The following ERC1 variants were observed in gnomAD, a reference collection of about 807,000 sequenced individuals.
The protein encoded by ERC1 is RAB6 interacting protein 2.
Under a neutral mutation model 132.0 loss-of-function variants are expected in ERC1, and 56 were observed. That is an observed-to-expected ratio of 0.42 (90% CI 0.34 to 0.53). The LOEUF (loss-of-function observed/expected upper bound fraction) is 0.53. ERC1 is among the 20% of genes least tolerant of loss of function. The probability of loss-of-function intolerance (pLI) is 0.03; values close to 1 mark genes in which losing one functional copy is unlikely to be tolerated. For missense variants in ERC1, 1,202 were observed against 1,349.9 expected (o/e 0.89, Z 1.72); for synonymous variants, 478 against 476.1 (o/e 1.00, Z -0.05).
At chr12:1,162,645 G>A (rs1012265924) in intron 8 of ERC1, among the ~76,000 whole-genome samples, 25 of 151,766 alleles carry the variant, frequency 1.6e-4, no homozygotes, top group African/African-American at 5.8e-4. Flanking sequence ...TCATAAAATC[G>A]GACAGGAGAG....
intron 16 of ERC1, among the ~76,000 whole-genome samples, chr12:1,383,434 CT>C (rs111814025): frequency 0.29 from 44,298 of 152,118 alleles, 6,685 homozygotes; most frequent in Middle Eastern, 0.34. Flanking sequence ...CCTGCTGCCT[CT>C]TTTGGTCTCT....
At chr12:1,119,449 T>C (rs1946819450) in intron 7 of ERC1, among the ~76,000 whole-genome samples, 1 of 151,940 alleles carries the variant, frequency 6.6e-6, no homozygotes, top group Admixed American at 6.6e-5. Flanking sequence ...GACATAGGCT[T>C]GAAAACCAGC....
chr12:1,091,690 A>C (rs116696105), intron 3 of ERC1, among the ~76,000 whole-genome samples: 11 of 152,230 alleles, frequency 7.2e-5, no homozygotes, highest in Non-Finnish European at 2.9e-5. Flanking sequence ...AATGGGAGAG[A>C]AAACCATTCC....
At chr12:1,172,553 C>G (rs1566141826) in intron 8 of ERC1, among the ~76,000 whole-genome samples, 1 of 152,086 alleles carries the variant, frequency 6.6e-6, no homozygotes, top group Non-Finnish European at 1.5e-5. Context: ...ATATATAAAC[C>G]TGTTGGGTAT....
At chr12:1,058,119 C>T (rs1273220209) in intron 2 of ERC1, among the ~76,000 whole-genome samples, 1 of 151,922 alleles carries the variant, frequency 6.6e-6, no homozygotes, top group East Asian at 1.9e-4. Flanking sequence ...CAGATGTTTT[C>T]TCTCATTCTG....
At chr12:1,295,741 T>A (rs890613815) in intron 15 of ERC1, among the ~76,000 whole-genome samples, 1 of 149,974 alleles carries the variant, frequency 6.7e-6, no homozygotes, top group Non-Finnish European at 1.5e-5. Flanking sequence ...TAGAGAAGCC[T>A]GGGAAATATC....
At chr12:1,005,635 A>G (rs578048278) in intron 1 of ERC1, among the ~76,000 whole-genome samples, 1 of 152,268 alleles carries the variant, frequency 6.6e-6, no homozygotes, top group Non-Finnish European at 1.5e-5. Flanking sequence ...ATTCTGAATA[A>G]TGTGATTGTT....
chr12:1,425,508 A>G (rs1373738997), intron 17 of ERC1, among the ~76,000 whole-genome samples: 4 of 152,166 alleles, frequency 2.6e-5, no homozygotes, highest in African/African-American at 9.7e-5. Flanking sequence ...GCCTTTCCTC[A>G]TAGCAAGGAC....
chr12:1,002,809 C>G (rs961435625), intron 1 of ERC1, among the ~76,000 whole-genome samples: 1 of 151,942 alleles, frequency 6.6e-6, no homozygotes, highest in Non-Finnish European at 1.5e-5. Context: ...CTTAGGAAAC[C>G]TTTTGTGAAA....
At chr12:1,048,739 T>C (rs968722871) in intron 2 of ERC1, among the ~76,000 whole-genome samples, 1 of 152,248 alleles carries the variant, frequency 6.6e-6, no homozygotes, top group Non-Finnish European at 1.5e-5. Flanking sequence ...AAATCTGAAT[T>C]TCACATACTC....
chr12:1,481,006 GT>G, intron 18 of ERC1: 1 of 663,186 alleles, frequency 1.5e-6, no homozygotes, highest in East Asian at 2.7e-5. Flanking sequence ...TATAGATGCT[GT>G]TTTCTTCTAT....
At chr12:996,057 G>A (rs1168454222) in intron 1 of ERC1, among the ~76,000 whole-genome samples, 1 of 151,572 alleles carries the variant, frequency 6.6e-6, no homozygotes, top group Non-Finnish European at 1.5e-5. Flanking sequence ...TGAGACAAAT[G>A]TAAGAGTCTT....
chr12:1,061,299 A>G (rs1937820477), intron 2 of ERC1, among the ~76,000 whole-genome samples: 1 of 152,000 alleles, frequency 6.6e-6, no homozygotes. Flanking sequence ...TTATCTTTTC[A>G]AAAAACCAAG....
At chr12:1,207,560 ATCT>A (rs1257688526) in intron 12 of ERC1, among the ~76,000 whole-genome samples, 1 of 152,226 alleles carries the variant, frequency 6.6e-6, no homozygotes, top group Non-Finnish European at 1.5e-5. Flanking sequence ...CAAGTGTAAC[ATCT>A]TCTCTGTTAA....
At position 1,146,423 on chromosome 12, in the gene ERC1, A is replaced by T. The variant is rs148271855; in HGVS notation, c.1737+4636A>T. Among the ~76,000 whole-genome samples the T allele has an allele frequency of 8.0e-3, 1,112 of 139,836 alleles. 16 individuals are homozygous for T. Among genetic ancestry groups the T allele is most frequent in the African/African-American group, 0.028 (1,050 of 37,386 alleles). The allele number at this position is 139,836 out of a possible 152,430, so 91.7% of individuals were successfully genotyped here. A position where few individuals can be genotyped will look rare whatever the true frequency, so the allele number is the denominator to read the frequency against. On this transcript the variant is annotated intron_variant, in intron 8 of 18. Coordinates refer to ENST00000360905, the MANE Select transcript of ERC1 (RefSeq NM_178040.4). ...GTAGTGCTGCTGATTTGTGTACATT[A>T]ATTTTGTATCCTGAAACTTTACTGA...
intron 8 of ERC1, among the ~76,000 whole-genome samples, chr12:1,156,947 C>T (rs1049614620): frequency 2.0e-5 from 3 of 151,980 alleles, no homozygotes; most frequent in African/African-American, 7.2e-5. Context: ...TTATGTTTTA[C>T]AAATACATTT....
intron 8 of ERC1, among the ~76,000 whole-genome samples, chr12:1,156,204 G>C (rs528282505): frequency 3.3e-5 from 5 of 151,976 alleles, no homozygotes; most frequent in African/African-American, 1.2e-4. Context: ...AAGATTTACA[G>C]GTAGATGAAG....
chr12:1,472,301 T>C (rs1261561399), intron 18 of ERC1, among the ~76,000 whole-genome samples: 1 of 152,232 alleles, frequency 6.6e-6, no homozygotes, highest in East Asian at 1.9e-4. Context: ...GATTTGTTTT[T>C]GTTTTGTTTT....
At chr12:1,056,665 G>C (rs1053030053) in intron 2 of ERC1, among the ~76,000 whole-genome samples, 1 of 152,030 alleles carries the variant, frequency 6.6e-6, no homozygotes, top group East Asian at 1.9e-4. Context: ...TCTGCCCAGC[G>C]CAGTGTCTGT....
Sources: allele counts gnomAD v4.1 joint callset (sites outside exome capture counted in the v4.1 genomes callset), GRCh38; gene constraint gnomAD v4.1.1; transcripts MANE v1.5; gene names NCBI Gene and HGNC (gene_info 2026-07-23, HGNC 2026-07-21).